KDM4C: variants seen among roughly 807,000 people sequenced by gnomAD.
KDM4C encodes lysine-specific demethylase 4C.
A neutral mutation model predicts 129.3 loss-of-function variants in KDM4C; 81 were observed. That is an observed-to-expected ratio of 0.63 (90% CI 0.52 to 0.75). The LOEUF (loss-of-function observed/expected upper bound fraction) is 0.75, where lower values mean the gene tolerates loss of function less well. Among genes scored for constraint, KDM4C ranks in the 30% least tolerant of loss-of-function variants. The probability of loss-of-function intolerance (pLI) is 0.00; values close to 1 mark genes in which losing one functional copy is unlikely to be tolerated. For synonymous variants in KDM4C, 573 were observed against 456.1 expected, an observed-to-expected ratio of 1.26 and a Z score of -3.26; for missense variants, 1,457 against 1,304.0, an observed-to-expected ratio of 1.12 and a Z score of -1.81.
chr9:7,128,847 C>T (rs2133354559), intron 19 of KDM4C, among the ~76,000 whole-genome samples: 1 of 152,244 alleles, frequency 6.6e-6, no homozygotes, highest in South Asian at 2.1e-4. Flanking sequence ...CTTCCTCTGT[C>T]CCCTCAGCAA....
intron 21 of KDM4C, chr9:7,170,943 A>C (rs1430171447): frequency 9.8e-6 from 2 of 204,460 alleles, no homozygotes; most frequent in Non-Finnish European, 1.7e-5. Flanking sequence ...AAAAAGCAAA[A>C]AAAAACTCAT....
chr9:6,966,168 G>A (rs1486245694), intron 8 of KDM4C, among the ~76,000 whole-genome samples: 2 of 152,092 alleles, frequency 1.3e-5, no homozygotes, highest in Non-Finnish European at 2.9e-5. Flanking sequence ...TTGGAACAAA[G>A]TAAGAATTTC....
intron 2 of KDM4C, among the ~76,000 whole-genome samples, chr9:6,800,698 C>T (rs1327476819): frequency 6.6e-6 from 1 of 152,156 alleles, no homozygotes; most frequent in Non-Finnish European, 1.5e-5. Context: ...GTGATCTTGG[C>T]TCACTGCAGC....
At chr9:7,077,928 C>T (rs551937236) in intron 17 of KDM4C, among the ~76,000 whole-genome samples, 3 of 152,306 alleles carry the variant, frequency 2.0e-5, no homozygotes, top group African/African-American at 4.8e-5. Context: ...GATATTTAGG[C>T]TCTGGGATCA....
At chr9:6,994,459 G>A (rs929411488) in intron 12 of KDM4C, among the ~76,000 whole-genome samples, 6 of 152,022 alleles carry the variant, frequency 3.9e-5, no homozygotes, top group African/African-American at 1.5e-4. Context: ...TATGTGCTTG[G>A]TTCTCTTGCA....
chr9:7,082,785 A>G (rs564560178), intron 17 of KDM4C, among the ~76,000 whole-genome samples: 3 of 152,350 alleles, frequency 2.0e-5, no homozygotes, highest in Admixed American at 6.5e-5. Context: ...AAGCATTTGC[A>G]GTAGCAAAAC....
In KDM4C at chr9:6,960,384, A is replaced by G. The variant is rs985409939; in HGVS notation, c.922-20541A>G. Among the ~76,000 whole-genome samples the G allele has an allele frequency of 2.0e-5, 3 of 149,390 alleles. No homozygotes were observed. In the Admixed American group the frequency reaches 2.0e-4, roughly 10 times the overall value. On this transcript the variant is annotated intron_variant, in intron 8 of 21. Coordinates refer to ENST00000381309, the MANE Select transcript of KDM4C (RefSeq NM_015061.6). ...AGCCTGGACCTCCTGGGCTCAAGGGATCCTCTCTCCTCAGTCTCCTGAGTA... is the reference window on the plus strand; with the variant it reads ...AGCCTGGACCTCCTGGGCTCAAGGGGTCCTCTCTCCTCAGTCTCCTGAGTA...
rs186397379 is a variant in KDM4C, at chr9:7,016,198, G to T, written c.2259+269G>T. Among the ~76,000 whole-genome samples the T allele has an allele frequency of 2.5e-3, 379 of 151,536 alleles. 1 individual carries two copies. Among genetic ancestry groups the T allele is most frequent in the Admixed American group, 6.4e-3 (97 of 15,222 alleles). ...GCTAGAGTGCAGTGGCAAGATCTTG[G>T]CTCACTGCAAGCTCCACCTTCCAGG... On this transcript the variant is annotated intron_variant, in intron 15 of 21. Transcript: ENST00000381309.
intron 3 of KDM4C, among the ~76,000 whole-genome samples, chr9:6,811,254 A>G (rs1278385942): frequency 6.6e-6 from 1 of 152,068 alleles, no homozygotes; most frequent in Non-Finnish European, 1.5e-5. Flanking sequence ...GCTGGGTTCA[A>G]GTGATTCTCC....
intron 19 of KDM4C, among the ~76,000 whole-genome samples, chr9:7,143,488 C>T (rs779741382): frequency 1.3e-4 from 20 of 152,150 alleles, no homozygotes; most frequent in Non-Finnish European, 2.1e-4. Flanking sequence ...GATTCTGAAC[C>T]GGGCATTCCA....
At chr9:7,050,442 C>CAAAAAAAAAAAAAAAAAAAAA (rs71500910) in intron 17 of KDM4C, among the ~76,000 whole-genome samples, 11 of 78,210 alleles carry the variant, frequency 1.4e-4, no homozygotes, top group Admixed American at 4.4e-4. Context: ...CCCAGATTAC[C>CAAAAAAAAAAAAAAAAAAAAA]AAAAAAAAAA....
intron 1 of KDM4C, among the ~76,000 whole-genome samples, chr9:6,724,979 C>G (rs1817074260): frequency 6.6e-6 from 1 of 152,170 alleles, no homozygotes. Context: ...CCTCCAGAGG[C>G]TCTGGGGGAG....
intron 15 of KDM4C, among the ~76,000 whole-genome samples, chr9:7,024,913 A>T (rs1825550276): frequency 6.6e-6 from 1 of 152,200 alleles, no homozygotes; most frequent in Admixed American, 6.5e-5. Context: ...CGCCACACCA[A>T]CTTCCACAGT....
At chr9:6,863,400 G>T (rs1285441746) in intron 5 of KDM4C, among the ~76,000 whole-genome samples, 2 of 152,102 alleles carry the variant, frequency 1.3e-5, no homozygotes, top group African/African-American at 2.4e-5. Context: ...CTGATGTTTA[G>T]AAAAGTTCTG....
At chr9:6,992,627 C>A (rs1384864904) in intron 12 of KDM4C, among the ~76,000 whole-genome samples, 1 of 152,174 alleles carries the variant, frequency 6.6e-6, no homozygotes, top group Non-Finnish European at 1.5e-5. Context: ...CCATTTGCCT[C>A]TGTGTCTATG....
intron 19 of KDM4C, among the ~76,000 whole-genome samples, chr9:7,147,375 C>G (rs369101415): frequency 6.6e-6 from 1 of 152,182 alleles, no homozygotes; most frequent in Non-Finnish European, 1.5e-5. Flanking sequence ...CTCTCCCCTG[C>G]GTGCCTATCC....
chr9:6,946,544 T>A (rs1415114228), intron 8 of KDM4C, among the ~76,000 whole-genome samples: 1 of 152,148 alleles, frequency 6.6e-6, no homozygotes, highest in Non-Finnish European at 1.5e-5. Flanking sequence ...TTAGGATTGT[T>A]ATCCACATTT....
At chr9:6,761,432 G>GCT (rs1819476350) in intron 1 of KDM4C, among the ~76,000 whole-genome samples, 1 of 151,400 alleles carries the variant, frequency 6.6e-6, no homozygotes, top group African/African-American at 2.4e-5. Context: ...TGTCTGCTGT[G>GCT]CTCTGGCAGT....
intron 5 of KDM4C, among the ~76,000 whole-genome samples, chr9:6,858,610 C>T (rs954425534): frequency 5.3e-5 from 8 of 151,976 alleles, no homozygotes; most frequent in Non-Finnish European, 8.8e-5. Context: ...CCTCTGTCTA[C>T]TAAATATGAA....
Sources: allele counts gnomAD v4.1 joint callset (sites outside exome capture counted in the v4.1 genomes callset), GRCh38; gene constraint gnomAD v4.1.1; transcripts MANE v1.5; gene names NCBI Gene and HGNC (gene_info 2026-07-23, HGNC 2026-07-21).